Variants in EDA observed in about 807,000 individuals in gnomAD.
EDA encodes the protein ectodysplasin A, also known as ectodysplasin-A.
A neutral mutation model predicts 23.6 loss-of-function variants in EDA; 2 were observed. The ratio of observed to expected loss-of-function variants is 0.08; its 90% CI spans 0.03 to 0.27. The LOEUF is 0.27. Ranked by LOEUF, EDA falls within the 10% of genes least tolerant of loss-of-function variation. EDA has a pLI of 1.00. For synonymous variants in EDA, 131 were observed against 132.0 expected, an observed-to-expected ratio of 0.99 and a Z score of 0.05; for missense variants, 229 against 324.2, an observed-to-expected ratio of 0.71 and a Z score of 2.26.
At chrX:69,652,288 A>T (rs1175415257) in intron 1 of EDA, among the ~76,000 whole-genome samples, 1 of 111,729 alleles carries the variant, frequency 9.0e-6, no homozygotes, top group Non-Finnish European at 1.9e-5. Flanking sequence ...AACCACTGAA[A>T]ATCCTGCATA....
At chrX:69,825,648 A>G (rs1336917570) in intron 1 of EDA, among the ~76,000 whole-genome samples, 2 of 112,976 alleles carry the variant, frequency 1.8e-5, no homozygotes, top group Non-Finnish European at 1.9e-5. Context: ...TCAAAAACCC[A>G]GCTCCTGGAT....
At chrX:70,011,712 T>C (rs1471398783) in intron 2 of EDA, among the ~76,000 whole-genome samples, 1 of 112,155 alleles carries the variant, frequency 8.9e-6, no homozygotes, top group Admixed American at 9.5e-5. Flanking sequence ...TTAACATTTC[T>C]TGCAAGGCCG....
intron 1 of EDA, among the ~76,000 whole-genome samples, chrX:69,903,737 AT>A (rs201108404): frequency 0.013 from 1,449 of 110,623 alleles, 15 homozygotes; most frequent in African/African-American, 0.043. Context: ...ATTTTTAAAA[AT>A]TTTTTTTGAA....
At position 69,780,583 on chromosome X, in the gene EDA, G is replaced by A. The variant is rs138088751; in HGVS notation, c.396+163879G>A. 6.7e-4 allele frequency among the ~76,000 whole-genome samples: 75 copies of A among 111,132 alleles called. 1 individual carries two copies. Among genetic ancestry groups the A allele is most frequent in the African/African-American group, 2.4e-3 (73 of 30,605 alleles). On this transcript the variant is annotated intron_variant, in intron 1 of 7. Transcript: ENST00000374552. Reference sequence around the variant, plus strand: ...CCCCACCCAAATCTCATGTCAAATTGTAATTCCCAATATTGGGGGAGGTAC... The same window carrying A: ...CCCCACCCAAATCTCATGTCAAATTATAATTCCCAATATTGGGGGAGGTAC...
chrX:69,862,315 G>A (rs1466837465), intron 1 of EDA, among the ~76,000 whole-genome samples: 3 of 111,991 alleles, frequency 2.7e-5, no homozygotes, highest in Non-Finnish European at 5.6e-5. Flanking sequence ...TTATGATTTA[G>A]TCTCCAAAGT....
chrX:69,836,816 G>A (rs957391219), intron 1 of EDA, among the ~76,000 whole-genome samples: 1 of 111,459 alleles, frequency 9.0e-6, no homozygotes, highest in Admixed American at 9.5e-5. Flanking sequence ...CTTCTGCTTC[G>A]CTCACTCTGG....
intron 1 of EDA, among the ~76,000 whole-genome samples, chrX:69,903,772 A>G (rs2018133094): frequency 9.0e-6 from 1 of 110,813 alleles, no homozygotes; most frequent in South Asian, 3.8e-4. Context: ...AAACTATATT[A>G]TGGGTACATA....
At chrX:69,806,355 A>G (rs1271597431) in intron 1 of EDA, among the ~76,000 whole-genome samples, 1 of 111,222 alleles carries the variant, frequency 9.0e-6, no homozygotes, top group Non-Finnish European at 1.9e-5. Flanking sequence ...TCCTATATGA[A>G]TAGTCTCGAC....
chrX:69,745,981 C>T (rs981168529), intron 1 of EDA, among the ~76,000 whole-genome samples: 7 of 111,203 alleles, frequency 6.3e-5, no homozygotes, highest in African/African-American at 1.6e-4. Context: ...AGCGAGCCTC[C>T]GTCTCAAGAA....
chrX:69,766,133 T>C (rs902292998), intron 1 of EDA, among the ~76,000 whole-genome samples: 1 of 111,940 alleles, frequency 8.9e-6, no homozygotes, highest in Non-Finnish European at 1.9e-5. Context: ...TTGCCCACTT[T>C]ATTGTTCTAT....
chrX:69,878,148 TAGAC>T (rs1373736475), intron 1 of EDA, among the ~76,000 whole-genome samples: 1 of 112,263 alleles, frequency 8.9e-6, no homozygotes, highest in Non-Finnish European at 1.9e-5. Context: ...TTACATAAAT[TAGAC>T]AGCAGTAAAA....
intron 1 of EDA, among the ~76,000 whole-genome samples, chrX:69,931,828 C>A (rs1352318829): frequency 8.9e-6 from 1 of 111,782 alleles, no homozygotes; most frequent in Admixed American, 9.5e-5. Context: ...TGTTACCCAA[C>A]AGTTCTACTC....
intron 2 of EDA, among the ~76,000 whole-genome samples, chrX:70,016,282 G>A (rs2019948514): frequency 9.0e-6 from 1 of 110,520 alleles, no homozygotes; most frequent in African/African-American, 3.3e-5. Context: ...AGTAATAGTG[G>A]GAGACTTCAA....
intron 1 of EDA, among the ~76,000 whole-genome samples, chrX:69,887,947 G>A (rs2017854301): frequency 9.0e-6 from 1 of 111,707 alleles, no homozygotes; most frequent in Admixed American, 9.5e-5. Context: ...TGAAACAAAA[G>A]GATGCTAATT....
chrX:69,666,207 G>C (rs938069038), intron 1 of EDA, among the ~76,000 whole-genome samples: 3 of 111,795 alleles, frequency 2.7e-5, no homozygotes, highest in Non-Finnish European at 5.7e-5. Context: ...TATGGACTTG[G>C]GGTTTTTTAC....
At chrX:69,627,410 T>C (rs1315445634) in intron 1 of EDA, among the ~76,000 whole-genome samples, 2 of 111,376 alleles carry the variant, frequency 1.8e-5, no homozygotes, top group African/African-American at 6.5e-5. Flanking sequence ...GGTTAAAATA[T>C]ATCATACAGA....
At chrX:70,034,139 A>G (rs1386967742) in intron 7 of EDA, among the ~76,000 whole-genome samples, 2 of 111,024 alleles carry the variant, frequency 1.8e-5, no homozygotes, top group Non-Finnish European at 3.8e-5. Context: ...CAAGTCCACC[A>G]GTGTCCATCT....
intron 6 of EDA, among the ~76,000 whole-genome samples, chrX:70,031,607 C>T (rs1286858875): frequency 8.9e-6 from 1 of 111,983 alleles, no homozygotes; most frequent in Non-Finnish European, 1.9e-5. Context: ...TTTCTAAGAA[C>T]TCAGTCAGTC....
intron 1 of EDA, among the ~76,000 whole-genome samples, chrX:69,803,050 T>G (rs1452745435): frequency 9.1e-6 from 1 of 109,856 alleles, no homozygotes; most frequent in Non-Finnish European, 1.9e-5. Flanking sequence ...AGTTGCTAGG[T>G]TTTTTTTTCC....
Sources: allele counts gnomAD v4.1 joint callset (sites outside exome capture counted in the v4.1 genomes callset), GRCh38; gene constraint gnomAD v4.1.1; transcripts MANE v1.5; gene names NCBI Gene and HGNC (gene_info 2026-07-23, HGNC 2026-07-21).